ROBO1: variants seen among roughly 807,000 people sequenced by gnomAD.
ROBO1 encodes roundabout guidance receptor 1.
ROBO1 carries 149 observed loss-of-function variants against 195.9 expected under a neutral mutation model. That is an observed-to-expected ratio of 0.76 (90% CI 0.67 to 0.87). ROBO1 has a LOEUF of 0.87. Among genes scored for constraint, ROBO1 ranks in the 40% least tolerant of loss-of-function variants. The pLI is 0.00. For missense variants in ROBO1, 1,933 were observed against 2,068.3 expected (o/e 0.93, Z 1.27); for synonymous variants, 816 against 733.2 (o/e 1.11, Z -1.82).
chr3:78,740,877 C>T (rs1164841177), intron 5 of ROBO1, among the ~76,000 whole-genome samples: 1 of 152,086 alleles, frequency 6.6e-6, no homozygotes, highest in African/African-American at 2.4e-5. Flanking sequence ...ATCATATATA[C>T]TATGAACAGA....
At chr3:79,452,752 G>T (rs1183646565) in intron 2 of ROBO1, among the ~76,000 whole-genome samples, 4 of 151,872 alleles carry the variant, frequency 2.6e-5, no homozygotes, top group East Asian at 3.9e-4. Context: ...AAATATATAT[G>T]ATATTAATAT....
At chr3:78,997,363 G>C (rs1559573129) in intron 3 of ROBO1, among the ~76,000 whole-genome samples, 1 of 152,120 alleles carries the variant, frequency 6.6e-6, no homozygotes, top group South Asian at 2.1e-4. Flanking sequence ...GGAAAAACGT[G>C]GGTTGTTTGG....
intron 3 of ROBO1, among the ~76,000 whole-genome samples, chr3:78,986,464 G>A (rs1003616534): frequency 4.7e-5 from 7 of 150,140 alleles, no homozygotes; most frequent in Non-Finnish European, 7.4e-5. Flanking sequence ...CTCTCAAATC[G>A]CTTTGTAATA....
At chr3:79,157,114 CTCTCTCTCTGTTTG>C (rs1238347529) in intron 2 of ROBO1, among the ~76,000 whole-genome samples, 6 of 151,874 alleles carry the variant, frequency 4.0e-5, no homozygotes, top group Non-Finnish European at 7.4e-5. Flanking sequence ...CTCTCTGTCT[CTCTCTCTCTGTTTG>C]TCTCTCTCTT....
At chr3:79,473,795 A>G (rs1938406761) in intron 2 of ROBO1, among the ~76,000 whole-genome samples, 2 of 152,144 alleles carry the variant, frequency 1.3e-5, no homozygotes, top group South Asian at 4.1e-4. Context: ...TTCTTGATTT[A>G]GAATAAAAAT....
At chr3:79,170,387 C>T (rs1222852650) in intron 2 of ROBO1, among the ~76,000 whole-genome samples, 1 of 152,124 alleles carries the variant, frequency 6.6e-6, no homozygotes, top group African/African-American at 2.4e-5. Context: ...AATCAAAGGT[C>T]ACTCTTCTTA....
At chr3:79,426,039 T>G (rs1420572896) in intron 2 of ROBO1, among the ~76,000 whole-genome samples, 1 of 152,154 alleles carries the variant, frequency 6.6e-6, no homozygotes, top group African/African-American at 2.4e-5. Context: ...CTGCTTGCAT[T>G]TTTTTAGTAT....
intron 3 of ROBO1, among the ~76,000 whole-genome samples, chr3:79,100,387 C>A (rs1406101574): frequency 1.3e-5 from 2 of 151,684 alleles, no homozygotes; most frequent in South Asian, 2.1e-4. Flanking sequence ...CTTACCCAAA[C>A]CTTATTCTTT....
In ROBO1 at chr3:79,029,378, T is replaced by TA. The variant is rs2078255136; in HGVS notation, c.173-90452dup. ...TTTGAGATTAGTAATTTTGTCGCTT[T>TA]AAAAAATCAGATATTTATCTGGAAA... On this transcript the variant is annotated intron_variant, in intron 3 of 30. Transcript: ENST00000464233. 2.0e-5 allele frequency among the ~76,000 whole-genome samples: 3 copies of TA among 152,154 alleles called. 1 individual carries two copies. The highest frequency in any genetic ancestry group is 7.2e-5 in the African/African-American group (3 of 41,456).
chr3:79,532,876 A>G, intron 2 of ROBO1: 1 of 182,238 alleles, frequency 5.5e-6, no homozygotes. Context: ...CTACACTGCG[A>G]GCAATTCCAG....
intron 2 of ROBO1, among the ~76,000 whole-genome samples, chr3:79,522,078 T>C (rs1005302376): frequency 1.3e-5 from 2 of 152,196 alleles, no homozygotes; most frequent in Admixed American, 6.5e-5. Context: ...ATTCAGTATG[T>C]CATCTATTAG....
chr3:79,138,701 C>G (rs1559687255), intron 2 of ROBO1, among the ~76,000 whole-genome samples: 1 of 151,332 alleles, frequency 6.6e-6, no homozygotes, highest in South Asian at 2.1e-4. Context: ...TGTGGTAATA[C>G]TAAAAACTGA....
At chr3:79,550,228 A>AAAGAAAAG (rs1942457509) in intron 2 of ROBO1, among the ~76,000 whole-genome samples, 1 of 147,890 alleles carries the variant, frequency 6.8e-6, no homozygotes, top group Non-Finnish European at 1.5e-5. Flanking sequence ...AAAGAAAAGA[A>AAAGAAAAG]AAGAAAAGAA....
rs536728605 is a variant in ROBO1, at chr3:79,171,637, C to T, written c.89-46098G>A. Among the ~76,000 whole-genome samples, 74 of 152,038 alleles carry T rather than the reference C, an allele frequency of 4.9e-4. 1 individual carries two copies. The highest frequency in any genetic ancestry group is 1.6e-3 in the African/African-American group (66 of 41,496). Reference sequence around the variant, plus strand: ...ACCATTTAAATAAACAAGTCATTCACGTGATTGAAAAACAAGTGAAGTTCT... The same window carrying T: ...ACCATTTAAATAAACAAGTCATTCATGTGATTGAAAAACAAGTGAAGTTCT... On this transcript the variant is annotated intron_variant, in intron 2 of 30. Transcript: ENST00000464233.
At chr3:78,647,715 T>A (rs994921079) in intron 19 of ROBO1, 60 bp from the exon 20 acceptor site, 5 of 1,329,492 alleles carry the variant, frequency 3.8e-6, no homozygotes, top group Non-Finnish European at 1.1e-6. Flanking sequence ...AGGGAACATA[T>A]CACATTAGTA....
At chr3:78,854,384 T>A (rs2034277440) in intron 4 of ROBO1, among the ~76,000 whole-genome samples, 1 of 149,460 alleles carries the variant, frequency 6.7e-6, no homozygotes, top group African/African-American at 2.4e-5. Flanking sequence ...ATACATATAA[T>A]ATATATGTGT....
At chr3:78,803,600 T>C (rs887916441) in intron 4 of ROBO1, among the ~76,000 whole-genome samples, 4 of 152,106 alleles carry the variant, frequency 2.6e-5, no homozygotes, top group African/African-American at 7.2e-5. Flanking sequence ...TTAAAGACCA[T>C]TGTATCTGGT....
rs186299010 is a variant in ROBO1, at chr3:78,812,802, T to C, written c.500-65902A>G. Among the ~76,000 whole-genome samples, 875 of 152,264 alleles carry C rather than the reference T, an allele frequency of 5.7e-3. 3 individuals carry two copies. Among genetic ancestry groups the C allele is most frequent in the Non-Finnish European group, 0.01 (682 of 67,996 alleles). Reference sequence around the variant, plus strand: ...TGATAAATATAATACAATTGAACTATAATTTTAGTTCTAAGCATGATATCT... The same window carrying C: ...TGATAAATATAATACAATTGAACTACAATTTTAGTTCTAAGCATGATATCT... On this transcript the variant is annotated intron_variant, in intron 4 of 30. Coordinates refer to ENST00000464233, the MANE Select transcript of ROBO1 (RefSeq NM_002941.4).
intron 2 of ROBO1, among the ~76,000 whole-genome samples, chr3:79,542,052 T>C (rs1465161326): frequency 6.6e-6 from 1 of 151,972 alleles, no homozygotes; most frequent in Non-Finnish European, 1.5e-5. Flanking sequence ...TCATCAACTC[T>C]GATTTTACAG....
Sources: allele counts gnomAD v4.1 joint callset (sites outside exome capture counted in the v4.1 genomes callset), GRCh38; gene constraint gnomAD v4.1.1; transcripts MANE v1.5; gene names NCBI Gene and HGNC (gene_info 2026-07-23, HGNC 2026-07-21).